Variants in CAST observed in about 807,000 individuals in gnomAD.
CAST encodes calpastatin.
In CAST, 76 loss-of-function variants were observed where a neutral mutation model predicts 119.6. The ratio of observed to expected loss-of-function variants is 0.64; its 90% CI spans 0.53 to 0.77. The LOEUF (loss-of-function observed/expected upper bound fraction) is 0.77, where lower values mean the gene tolerates loss of function less well. Ranked by LOEUF, CAST falls within the 30% of genes least tolerant of loss-of-function variation. The pLI, the probability that CAST is intolerant of heterozygous loss-of-function variation, is 0.00. For missense variants in CAST, 953 were observed against 946.5 expected (o/e 1.01, Z -0.09); for synonymous variants, 319 against 331.6 (o/e 0.96, Z 0.41).
At chr5:96,717,942 C>A (rs929245679) in intron 3 of CAST, among the ~76,000 whole-genome samples, 3 of 152,058 alleles carry the variant, frequency 2.0e-5, no homozygotes, top group Admixed American at 2.0e-4. Context: ...GTAAGGATGG[C>A]AACTATTAGA....
chr5:96,685,068 A>G (rs1396141920), intron 2 of CAST, among the ~76,000 whole-genome samples: 2 of 151,220 alleles, frequency 1.3e-5, no homozygotes, highest in African/African-American at 4.8e-5. Context: ...ATATAAATAT[A>G]TCAACATTAT....
chr5:96,428,031 T>G, the CAST span, among the ~76,000 whole-genome samples: 46 of 151,570 alleles, frequency 3.0e-4, no homozygotes, highest in Middle Eastern at 6.8e-3. Context: ...ATACGGTCAC[T>G]GTCCGTGGTC....
At chr5:96,068,272 A>G in the CAST span, among the ~76,000 whole-genome samples, 1 of 152,046 alleles carries the variant, frequency 6.6e-6, no homozygotes, top group African/African-American at 2.4e-5. Context: ...TAGCCAAAAG[A>G]ACCTCTGGCC....
chr5:96,730,750 T>C (rs1760286952), intron 8 of CAST, 30 bp from the exon 9 acceptor site: 2 of 1,527,924 alleles, frequency 1.3e-6, no homozygotes, highest in Non-Finnish European at 1.8e-6. Context: ...GATACTTAGC[T>C]CTGTCAACCT....
At chr5:96,410,241 C>G in the CAST span, among the ~76,000 whole-genome samples, 1 of 152,126 alleles carries the variant, frequency 6.6e-6, no homozygotes, top group Non-Finnish European at 1.5e-5. Context: ...AGCATACGAC[C>G]TCCCCGAGCT....
At chr5:96,083,605 A>T in the CAST span, among the ~76,000 whole-genome samples, 1 of 152,292 alleles carries the variant, frequency 6.6e-6, no homozygotes, top group African/African-American at 2.4e-5. Context: ...GGCACCTACC[A>T]CCAGGGCATT....
chr5:96,105,114 A>G, the CAST span, among the ~76,000 whole-genome samples: 303 of 140,832 alleles, frequency 2.2e-3, 1 homozygote, highest in Admixed American at 5.1e-3. Flanking sequence ...GAAGTTGCTT[A>G]TCAGCTTAAG....
At chr5:96,732,432 A>G (rs1203397677) in intron 9 of CAST, among the ~76,000 whole-genome samples, 1 of 125,320 alleles carries the variant, frequency 8.0e-6, no homozygotes, top group Admixed American at 8.6e-5. Context: ...GGTTGCGAAA[A>G]TTTTCTCCCA....
the CAST span, among the ~76,000 whole-genome samples, chr5:96,495,244 C>T: frequency 2.0e-5 from 3 of 151,548 alleles, no homozygotes; most frequent in African/African-American, 7.3e-5. Flanking sequence ...TGTAGATCAA[C>T]TGTTTTTTGT....
chr5:96,529,839 A>G (rs1457895148), exon 1 of CAST: 1 of 435,268 alleles, frequency 2.3e-6, no homozygotes, highest in Non-Finnish European at 4.6e-6. Flanking sequence ...GCCTTCTGCC[A>G]TGATTGTAAG....
the CAST span, among the ~76,000 whole-genome samples, chr5:96,256,682 T>C: frequency 6.6e-6 from 1 of 152,058 alleles, no homozygotes; most frequent in Non-Finnish European, 1.5e-5. Flanking sequence ...TATAATCTTA[T>C]GGGACCACTG....
the CAST span, among the ~76,000 whole-genome samples, chr5:96,042,174 T>A: frequency 2.6e-5 from 4 of 152,110 alleles, no homozygotes; most frequent in Middle Eastern, 3.2e-3. Context: ...CTGGGTGGGA[T>A]ACAGCCAAAA....
chr5:96,290,671 C>T, the CAST span, among the ~76,000 whole-genome samples: 5 of 152,152 alleles, frequency 3.3e-5, no homozygotes, highest in Admixed American at 1.3e-4. Context: ...GAGAGTGAAG[C>T]GAGCTGCTTT....
At chr5:95,994,669 A>G in the CAST span, among the ~76,000 whole-genome samples, 2 of 152,152 alleles carry the variant, frequency 1.3e-5, no homozygotes, top group Admixed American at 1.3e-4. Flanking sequence ...TGAAATTAAT[A>G]AGACACTATT....
intron 2 of CAST, among the ~76,000 whole-genome samples, chr5:96,685,585 A>G (rs1393937510): frequency 6.6e-6 from 1 of 152,228 alleles, no homozygotes; most frequent in African/African-American, 2.4e-5. Flanking sequence ...TTTTATTTTC[A>G]AGTATCATTA....
chr5:96,597,649 C>T (rs1747075888), intron 1 of CAST, among the ~76,000 whole-genome samples: 1 of 152,176 alleles, frequency 6.6e-6, no homozygotes, highest in African/African-American at 2.4e-5. Context: ...ATGAACTTTC[C>T]ATTGAGTGAT....
upstream of CAST, among the ~76,000 whole-genome samples, chr5:96,521,822 T>C (rs1745523120): frequency 6.6e-6 from 1 of 152,204 alleles, no homozygotes. Context: ...TTCACTGTGC[T>C]ATATAAAATG....
the CAST span, among the ~76,000 whole-genome samples, chr5:96,098,631 G>A: frequency 6.6e-6 from 1 of 152,156 alleles, no homozygotes; most frequent in African/African-American, 2.4e-5. Flanking sequence ...TCAGATGGTT[G>A]TAGGTGTGTG....
At chr5:96,759,978 C>G (rs1352372287) in intron 24 of CAST, among the ~76,000 whole-genome samples, 2 of 151,946 alleles carry the variant, frequency 1.3e-5, no homozygotes, top group African/African-American at 4.8e-5. Flanking sequence ...CTGCGTAATT[C>G]ACAAAACCTA....
Sources: gnomAD v4.1 joint callset for allele counts (sites outside exome capture counted in the v4.1 genomes callset) on GRCh38, gnomAD v4.1.1 for gene constraint, MANE v1.5 for transcripts, NCBI Gene and HGNC (gene_info 2026-07-23, HGNC 2026-07-21) for gene names.